Variants in WWC2 observed in about 807,000 individuals in gnomAD.
The protein encoded by WWC2 is protein WWC2.
In WWC2, 101 loss-of-function variants were observed where a neutral mutation model predicts 138.5. The ratio of observed to expected loss-of-function variants is 0.73; its 90% CI spans 0.62 to 0.86. The LOEUF (loss-of-function observed/expected upper bound fraction) is 0.86. Ranked by LOEUF, WWC2 falls within the 40% of genes least tolerant of loss-of-function variation. The probability of loss-of-function intolerance (pLI) is 0.00; values close to 1 mark genes in which losing one functional copy is unlikely to be tolerated. For synonymous variants in WWC2, 558 were observed against 538.4 expected, an observed-to-expected ratio of 1.04 and a Z score of -0.50; for missense variants, 1,420 against 1,419.4, an observed-to-expected ratio of 1.00 and a Z score of -0.01.
At chr4:183,230,689 A>AT (rs1736217509) in intron 4 of WWC2, among the ~76,000 whole-genome samples, 2 of 152,206 alleles carry the variant, frequency 1.3e-5, no homozygotes, top group South Asian at 4.1e-4. Flanking sequence ...TAAAAAAAAA[A>AT]AAGTAATAGA....
chr4:183,307,069 A>G (rs1453285255), intron 21 of WWC2, among the ~76,000 whole-genome samples: 2 of 152,156 alleles, frequency 1.3e-5, no homozygotes, highest in African/African-American at 4.8e-5. Context: ...ACTCTGCTTA[A>G]GCTCAATTGG....
intron 4 of WWC2, among the ~76,000 whole-genome samples, chr4:183,229,309 A>C (rs1339822096): frequency 1.3e-5 from 2 of 152,134 alleles, no homozygotes; most frequent in Non-Finnish European, 2.9e-5. Context: ...CTTTGCTAAA[A>C]TTAGTGAGTA....
At chr4:183,168,159 T>C (rs1356632205) in intron 1 of WWC2, among the ~76,000 whole-genome samples, 1 of 112,988 alleles carries the variant, frequency 8.9e-6, no homozygotes, top group African/African-American at 3.4e-5. Flanking sequence ...CGGCTGACTT[T>C]TTTTCTTTTC....
At chr4:183,143,390 C>T (rs1733360609) in intron 1 of WWC2, among the ~76,000 whole-genome samples, 1 of 152,114 alleles carries the variant, frequency 6.6e-6, no homozygotes, top group Non-Finnish European at 1.5e-5. Context: ...ATGAGAATTG[C>T]CAAGAGATGA....
chr4:183,241,428 C>G (rs1483949518), intron 5 of WWC2, among the ~76,000 whole-genome samples: 1 of 152,210 alleles, frequency 6.6e-6, no homozygotes, highest in Non-Finnish European at 1.5e-5. Context: ...AGGCACTGCT[C>G]TTGACCACCA....
At chr4:183,150,791 G>A (rs758605495) in intron 1 of WWC2, among the ~76,000 whole-genome samples, 1 of 151,868 alleles carries the variant, frequency 6.6e-6, no homozygotes, top group Non-Finnish European at 1.5e-5. Context: ...TTGGTTTTCT[G>A]TCCTTGCGAA....
At chr4:183,123,402 G>GGTGTGTGTGTGTGT (rs67158904) in intron 1 of WWC2, among the ~76,000 whole-genome samples, 77 of 147,716 alleles carry the variant, frequency 5.2e-4, no homozygotes, top group South Asian at 2.9e-3. Context: ...GCAAGTTTCA[G>GGTGTGTGTGTGTGT]GTGTGTGTGT....
At chr4:183,194,779 T>G (rs896799027) in intron 2 of WWC2, among the ~76,000 whole-genome samples, 1 of 152,228 alleles carries the variant, frequency 6.6e-6, no homozygotes, top group African/African-American at 2.4e-5. Flanking sequence ...TGAAGTCCAG[T>G]GAGCACATAT....
In WWC2 at chr4:183,280,779, G is replaced by A. The variant is rs969620888; in HGVS notation, c.2566G>A (p.Ala856Thr). ...QPLVDSIDLD[A>T]VSALLARTSA... ...CCGTATGCTTTACATTCTTCAGGATGCAGTGTCAGCCTTACTTGCAAGAAC... is the reference window on the plus strand; with the variant it reads ...CCGTATGCTTTACATTCTTCAGGATACAGTGTCAGCCTTACTTGCAAGAAC... Residue 856 changes from alanine (A) to threonine (T), a missense_variant, in exon 17 of 23, where the codon GCA (alanine) becomes ACA (threonine). By Grantham distance (58) the Ala-to-Thr change is moderately conservative (BLOSUM62 0). Transcript: ENST00000403733. 6.2e-7 allele frequency: 1 copy of A among 1,602,770 alleles called. No homozygotes were observed. Among genetic ancestry groups the A allele is most frequent in the East Asian group, 2.2e-5 (1 of 44,648 alleles).
rs1190383691 is a variant in WWC2, at chr4:183,249,955, G to A, written c.915G>A (p.Lys305=). 6.2e-7 allele frequency: 1 copy of A among 1,613,736 alleles called. No homozygotes were observed. Among genetic ancestry groups the A allele is most frequent in the Non-Finnish European group, 8.5e-7 (1 of 1,179,776 alleles). ...GVRSRSNLAE[K]VRLSLQYEEA... Reference sequence around the variant, plus strand: ...GAAGTAGATCAAATTTAGCTGAAAAGGTCAGGCTAAGCCTACAGTATGAAG... The same window carrying A: ...GAAGTAGATCAAATTTAGCTGAAAAAGTCAGGCTAAGCCTACAGTATGAAG... Residue 305 remains lysine, a synonymous_variant, in exon 8 of 23, where the codon AAG becomes AAA. Transcript: ENST00000403733.
intron 4 of WWC2, among the ~76,000 whole-genome samples, chr4:183,210,046 G>A (rs1319082928): frequency 1.3e-5 from 2 of 151,970 alleles, no homozygotes; most frequent in Non-Finnish European, 2.9e-5. Flanking sequence ...CGAGATCCAC[G>A]TTCATTTTTG....
At chr4:183,196,495 C>A (rs1426196208) in intron 2 of WWC2, among the ~76,000 whole-genome samples, 2 of 152,228 alleles carry the variant, frequency 1.3e-5, no homozygotes, top group African/African-American at 4.8e-5. Context: ...TGCTGCAGAT[C>A]TCCTTGGGTG....
intron 5 of WWC2, among the ~76,000 whole-genome samples, chr4:183,244,740 A>G (rs767661770): frequency 4.0e-5 from 6 of 150,704 alleles, no homozygotes; most frequent in Non-Finnish European, 7.4e-5. Flanking sequence ...GCAAAACATT[A>G]TGTAAATCAG....
At chr4:183,225,285 A>G (rs73870375) in intron 4 of WWC2, among the ~76,000 whole-genome samples, 10,121 of 152,318 alleles carry the variant, frequency 0.066, 1,123 homozygotes, top group African/African-American at 0.23. Flanking sequence ...TAGGAAGATC[A>G]ATGGAACTGA....
Position 183,113,767 on chromosome 4 carries a change from A to AT in WWC2, c.131+14161dup, listed in dbSNP as rs753321213. Reference sequence around the variant, plus strand: ...CTACTCTATGGAGAAGGAATTACAGATTTTTTTTTTTTTTTTAGTGAGATA... The same window carrying AT: ...CTACTCTATGGAGAAGGAATTACAGATTTTTTTTTTTTTTTTTAGTGAGATA... On this transcript the variant is annotated intron_variant, in intron 1 of 22. Coordinates refer to ENST00000403733, the MANE Select transcript of WWC2 (RefSeq NM_024949.6). Among the ~76,000 whole-genome samples, 310 of 140,072 alleles carry AT rather than the reference A, an allele frequency of 2.2e-3. 1 individual carries two copies. Among genetic ancestry groups the AT allele is most frequent in the Middle Eastern group, 3.8e-3 (1 of 264 alleles). 91.9% of individuals were successfully genotyped at this position (140,072 alleles called of 152,430 possible). A position where few individuals can be genotyped will look rare whatever the true frequency, so the allele number is the denominator to read the frequency against.
chr4:183,262,889 C>G (rs938856308), intron 11 of WWC2, among the ~76,000 whole-genome samples: 1 of 152,058 alleles, frequency 6.6e-6, no homozygotes. Flanking sequence ...AGCACACTAC[C>G]CAATCTCTCA....
intron 5 of WWC2, among the ~76,000 whole-genome samples, chr4:183,245,188 C>G (rs953959566): frequency 7.0e-6 from 1 of 143,506 alleles, no homozygotes; most frequent in African/African-American, 2.6e-5. Context: ...GATCACGCCA[C>G]TGCACTCCAG....
At chr4:183,216,667 A>G (rs1735765724) in intron 4 of WWC2, among the ~76,000 whole-genome samples, 1 of 152,218 alleles carries the variant, frequency 6.6e-6, no homozygotes. Flanking sequence ...TGTTTGCAGT[A>G]TGAGGAGAAG....
intron 1 of WWC2, among the ~76,000 whole-genome samples, chr4:183,122,949 G>T (rs1486079296): frequency 6.6e-6 from 1 of 152,164 alleles, no homozygotes; most frequent in Non-Finnish European, 1.5e-5. Context: ...TAAGAGAAAT[G>T]CAGAGTTAAA....
Sources: allele counts gnomAD v4.1 joint callset (sites outside exome capture counted in the v4.1 genomes callset), GRCh38; gene constraint gnomAD v4.1.1; transcripts MANE v1.5; gene names NCBI Gene and HGNC (gene_info 2026-07-23, HGNC 2026-07-21).